The following CAMKMT variants were observed in gnomAD, a reference collection of about 807,000 sequenced individuals.
CAMKMT encodes the protein calmodulin-lysine N-methyltransferase.
CAMKMT carries 53 observed loss-of-function variants against 48.0 expected under a neutral mutation model. The ratio of observed to expected loss-of-function variants is 1.10; its 90% CI spans 0.89 to 1.39. The LOEUF is 1.39. Among genes scored for constraint, CAMKMT ranks in the 40% most tolerant of loss-of-function variants. The probability of loss-of-function intolerance (pLI) is 0.00; values close to 1 mark genes in which losing one functional copy is unlikely to be tolerated. For missense variants in CAMKMT, 428 were observed against 402.7 expected, an observed-to-expected ratio of 1.06 and a Z score of -0.54; for synonymous variants, 165 against 152.3, an observed-to-expected ratio of 1.08 and a Z score of -0.61.
At chr2:44,739,591 G>A (rs1316487406) in intron 7 of CAMKMT, among the ~76,000 whole-genome samples, 1 of 152,154 alleles carries the variant, frequency 6.6e-6, no homozygotes, top group Admixed American at 6.5e-5. Flanking sequence ...AGAGTTCATG[G>A]GAGAGGTTCA....
chr2:44,614,911 T>C, intron 3 of CAMKMT, among the ~76,000 whole-genome samples: 1 of 140,052 alleles, frequency 7.1e-6, no homozygotes, highest in Non-Finnish European at 1.5e-5. Context: ...CCTTATTCAC[T>C]CTAACCAGCT....
intron 3 of CAMKMT, among the ~76,000 whole-genome samples, chr2:44,467,542 AAAAAAAAAC>A (rs1668186163): frequency 2.4e-5 from 1 of 41,978 alleles, no homozygotes; most frequent in Admixed American, 2.6e-4. Flanking sequence ...TCTGTCTCAG[AAAAAAAAAC>A]AAAAAAAAAC....
chr2:44,557,431 G>T (rs559928417), intron 3 of CAMKMT, among the ~76,000 whole-genome samples: 1 of 152,078 alleles, frequency 6.6e-6, no homozygotes, highest in Non-Finnish European at 1.5e-5. Flanking sequence ...GCAGGCCATT[G>T]GTTGGTTTCT....
intron 3 of CAMKMT, among the ~76,000 whole-genome samples, chr2:44,512,369 G>A (rs1389874183): frequency 6.6e-6 from 1 of 152,188 alleles, no homozygotes; most frequent in Non-Finnish European, 1.5e-5. Context: ...AAAGCACTTA[G>A]CATAGCACCT....
At chr2:44,583,823 G>A (rs1287193195) in intron 3 of CAMKMT, among the ~76,000 whole-genome samples, 1 of 151,696 alleles carries the variant, frequency 6.6e-6, no homozygotes, top group African/African-American at 2.4e-5. Context: ...GAAAAAAGAA[G>A]GAAGGAAGGA....
intron 3 of CAMKMT, among the ~76,000 whole-genome samples, chr2:44,537,917 T>G (rs978382554): frequency 3.3e-5 from 5 of 152,070 alleles, no homozygotes; most frequent in African/African-American, 1.2e-4. Context: ...GAACTAAAAG[T>G]AGATCTACCA....
intron 3 of CAMKMT, among the ~76,000 whole-genome samples, chr2:44,655,449 C>T (rs1674325048): frequency 6.6e-6 from 1 of 152,146 alleles, no homozygotes; most frequent in Admixed American, 6.5e-5. Flanking sequence ...TGTCATTGGA[C>T]CATGAACTAA....
intron 3 of CAMKMT, among the ~76,000 whole-genome samples, chr2:44,494,115 C>T (rs191059681): frequency 3.9e-5 from 6 of 152,222 alleles, no homozygotes; most frequent in African/African-American, 9.6e-5. Flanking sequence ...TTGGAAATAC[C>T]ATTCATTTTA....
rs866530813 is a variant in CAMKMT, at chr2:44,527,433, T to A, written c.376+137128T>A. On this transcript the variant is annotated intron_variant, in intron 3 of 10. Transcript: ENST00000378494. Reference sequence around the variant, plus strand: ...TATATATTATATATATATATATATTTTTTTTTTTGGTAGAGATGAGGTCTC... The same window carrying A: ...TATATATTATATATATATATATATTATTTTTTTTGGTAGAGATGAGGTCTC... Among the ~76,000 whole-genome samples the A allele has an allele frequency of 4.4e-3, 628 of 143,750 alleles. 5 individuals are homozygous for A. Among genetic ancestry groups the A allele is most frequent in the African/African-American group, 0.013 (519 of 39,358 alleles). 94.3% of individuals were successfully genotyped at this position (143,750 alleles called of 152,430 possible). A position where few individuals can be genotyped will look rare whatever the true frequency, so the allele number is the denominator to read the frequency against.
At chr2:44,677,151 C>T (rs1326323789) in intron 3 of CAMKMT, among the ~76,000 whole-genome samples, 2 of 151,972 alleles carry the variant, frequency 1.3e-5, no homozygotes, top group African/African-American at 4.8e-5. Context: ...TTTATTGAGC[C>T]CAACCTCATT....
chr2:44,721,911 C>T (rs1678483025), intron 7 of CAMKMT, among the ~76,000 whole-genome samples: 1 of 152,178 alleles, frequency 6.6e-6, no homozygotes, highest in South Asian at 2.1e-4. Context: ...ACTCCTCCCT[C>T]CTCCCTTCCA....
In CAMKMT at chr2:44,634,105, G is replaced by GT. The variant is rs1344273679; in HGVS notation, c.377-70171dup. On this transcript the variant is annotated intron_variant, in intron 3 of 10. Transcript: ENST00000378494. Reference sequence around the variant, plus strand: ...TAACTGGAACATCTTACAGACTATTGTTTTTTTGCCTAGCCTGATGGAGTC... The same window carrying GT: ...TAACTGGAACATCTTACAGACTATTGTTTTTTTTGCCTAGCCTGATGGAGTC... Among the ~76,000 whole-genome samples, 3 of 152,044 alleles carry GT rather than the reference G, an allele frequency of 2.0e-5. No homozygotes were observed. In the South Asian group the frequency reaches 6.2e-4, roughly 32 times the overall value.
intron 3 of CAMKMT, among the ~76,000 whole-genome samples, chr2:44,409,111 A>G (rs1219646358): frequency 2.6e-4 from 1 of 3,896 alleles, no homozygotes; most frequent in East Asian, 0.019. Context: ...ATATATATAT[A>G]TATATATATA....
chr2:44,725,337 G>A (rs1678724207), intron 7 of CAMKMT, among the ~76,000 whole-genome samples: 1 of 152,170 alleles, frequency 6.6e-6, no homozygotes, highest in Non-Finnish European at 1.5e-5. Flanking sequence ...TCAGTGCAAT[G>A]AAATATAATT....
chr2:44,599,895 A>T (rs1017996587), intron 3 of CAMKMT, among the ~76,000 whole-genome samples: 1 of 152,010 alleles, frequency 6.6e-6, no homozygotes, highest in South Asian at 2.1e-4. Context: ...ATTCATTCCA[A>T]TGTGGGAATT....
At chr2:44,608,609 A>G (rs1035116662) in intron 3 of CAMKMT, among the ~76,000 whole-genome samples, 1 of 152,160 alleles carries the variant, frequency 6.6e-6, no homozygotes, top group Non-Finnish European at 1.5e-5. Context: ...TCTTCATACC[A>G]TCAAATATTC....
At chr2:44,420,520 A>G (rs1199724486) in intron 3 of CAMKMT, among the ~76,000 whole-genome samples, 1 of 152,068 alleles carries the variant, frequency 6.6e-6, no homozygotes, top group Non-Finnish European at 1.5e-5. Flanking sequence ...AAATCCATGT[A>G]TATGTGGACC....
chr2:44,711,480 T>G (rs1005141804), intron 6 of CAMKMT, among the ~76,000 whole-genome samples: 1 of 152,170 alleles, frequency 6.6e-6, no homozygotes, highest in African/African-American at 2.4e-5. Context: ...ATTCTAACTT[T>G]TTTTCTTCTC....
At chr2:44,617,139 A>T (rs1368092867) in intron 3 of CAMKMT, among the ~76,000 whole-genome samples, 1 of 152,214 alleles carries the variant, frequency 6.6e-6, no homozygotes, top group African/African-American at 2.4e-5. Context: ...ACTGATATAC[A>T]TACATTCAGA....
Sources: gnomAD v4.1 joint callset for allele counts (sites outside exome capture counted in the v4.1 genomes callset) on GRCh38, gnomAD v4.1.1 for gene constraint, MANE v1.5 for transcripts, NCBI Gene and HGNC (gene_info 2026-07-23, HGNC 2026-07-21) for gene names.